The following TNFRSF21 variants were observed in gnomAD, a reference collection of about 807,000 sequenced individuals.
TNFRSF21 encodes the protein TNF receptor superfamily member 21, also known as tumor necrosis factor receptor superfamily member 21.
TNFRSF21 carries 19 observed loss-of-function variants against 45.6 expected under a neutral mutation model. The ratio of observed to expected loss-of-function variants is 0.42; its 90% CI spans 0.29 to 0.61. The LOEUF (loss-of-function observed/expected upper bound fraction) is 0.61, where lower values mean the gene tolerates loss of function less well. Ranked by LOEUF, TNFRSF21 falls within the 20% of genes least tolerant of loss-of-function variation. The probability of loss-of-function intolerance (pLI) is 0.23; values close to 1 mark genes in which losing one functional copy is unlikely to be tolerated. For missense variants in TNFRSF21, 737 were observed against 851.5 expected, an observed-to-expected ratio of 0.87 and a Z score of 1.67; for synonymous variants, 314 against 335.5, an observed-to-expected ratio of 0.94 and a Z score of 0.70.
chr6:47,294,697 C>CT (rs5876019), intron 1 of TNFRSF21, among the ~76,000 whole-genome samples: 18 of 150,728 alleles, frequency 1.2e-4, no homozygotes, highest in South Asian at 2.1e-4. Flanking sequence ...TCATTTCTTT[C>CT]TTTTTTTTTT....
At position 47,308,135 on chromosome 6, in the gene TNFRSF21, G is replaced by T. The variant is rs997523180; in HGVS notation, c.96+1281C>A. Among the ~76,000 whole-genome samples the T allele has an allele frequency of 4.6e-5, 7 of 152,302 alleles. No homozygotes were observed. In the East Asian group the frequency reaches 1.4e-3, roughly 29 times the overall value. On this transcript the variant is annotated intron_variant, in intron 1 of 5. Coordinates refer to ENST00000296861, the MANE Select transcript of TNFRSF21 (RefSeq NM_014452.5). ...GAAAAGAGTTTCTGAAGGGAGACTG[G>T]GACTTGCCTCATTATAAATGCTAAC...
intron 3 of TNFRSF21, among the ~76,000 whole-genome samples, chr6:47,280,235 C>T (rs985544065): frequency 2.0e-5 from 3 of 152,112 alleles, no homozygotes; most frequent in Non-Finnish European, 4.4e-5. Flanking sequence ...CAAGGCTAAG[C>T]CATTTCCCTC....
At chr6:47,305,229 G>A (rs1431741282) in intron 1 of TNFRSF21, among the ~76,000 whole-genome samples, 1 of 152,136 alleles carries the variant, frequency 6.6e-6, no homozygotes, top group Non-Finnish European at 1.5e-5. Flanking sequence ...TTCATGGCAA[G>A]ATCCAAATCC....
intron 4 of TNFRSF21, among the ~76,000 whole-genome samples, chr6:47,246,016 A>C (rs1450040051): frequency 6.6e-6 from 1 of 152,208 alleles, no homozygotes; most frequent in Non-Finnish European, 1.5e-5. Context: ...AAATCTGCCC[A>C]CATGATCCAG....
At chr6:47,239,410 T>C (rs983867123) in intron 4 of TNFRSF21, among the ~76,000 whole-genome samples, 14 of 151,376 alleles carry the variant, frequency 9.2e-5, no homozygotes, top group African/African-American at 3.4e-4. Flanking sequence ...CTGGTGGAGG[T>C]TGCAGTATTC....
chr6:47,284,217 C>T lies in TNFRSF21; in HGVS notation c.964G>A (p.Glu322Lys), dbSNP rs1337951821. Residue 322 changes from glutamate (E) to lysine (K), a missense_variant, in exon 3 of 6, where the codon GAG becomes AAG. Coordinates refer to ENST00000296861, the MANE Select transcript of TNFRSF21 (RefSeq NM_014452.5). ...CCCTTGATGGGCGTGCTGGACTTCT[C>T]GCCCCCAGTGGCCTCCATGGACGGC... Reference protein sequence around the residue: ...LLPSMEATGGEKSSTPIKGPK... With the variant: ...LLPSMEATGGKKSSTPIKGPK... The T allele has an allele frequency of 3.1e-6, 5 of 1,614,102 alleles. No homozygotes were observed. The highest frequency in any genetic ancestry group is 3.3e-5 in the Admixed American group (2 of 60,014).
At chr6:47,276,557 A>G (rs1762500620) in intron 3 of TNFRSF21, among the ~76,000 whole-genome samples, 1 of 152,236 alleles carries the variant, frequency 6.6e-6, no homozygotes, top group African/African-American at 2.4e-5. Context: ...CTGGTAGGCG[A>G]CAACCTGCAG....
chr6:47,265,587 C>G (rs57499487), intron 3 of TNFRSF21, among the ~76,000 whole-genome samples: 7,240 of 152,094 alleles, frequency 0.048, 557 homozygotes, highest in African/African-American at 0.16. Context: ...TTCCCCATCT[C>G]TAAAATAGGG....
chr6:47,268,891 T>C (rs1176129270), intron 3 of TNFRSF21, among the ~76,000 whole-genome samples: 2 of 152,194 alleles, frequency 1.3e-5, no homozygotes, highest in African/African-American at 4.8e-5. Flanking sequence ...TATCCTTATT[T>C]ATCTTCTAGG....
chr6:47,294,434 G>A (rs1327499070), intron 1 of TNFRSF21, among the ~76,000 whole-genome samples: 3 of 152,204 alleles, frequency 2.0e-5, no homozygotes, highest in Admixed American at 6.5e-5. Context: ...GAGCCAACGC[G>A]CCCGGCTGCG....
chr6:47,309,413 C>T lies in TNFRSF21; in HGVS notation c.96+3G>A. On this transcript the variant is annotated splice_donor_region_variant and intron_variant, in intron 1 of 5. Transcript: ENST00000296861. ...GCCACCCCCGGTCCACGCAAGCGCT[C>T]ACCAGGAGAAGGGAGCCCGCGATCA... The T allele has an allele frequency of 4.5e-6, 7 of 1,542,670 alleles. No individual in the cohort carries two copies. The highest frequency in any genetic ancestry group is 6.1e-6 in the Non-Finnish European group (7 of 1,151,558).
chr6:47,260,334 C>G (rs530242824), intron 3 of TNFRSF21, among the ~76,000 whole-genome samples: 1 of 152,282 alleles, frequency 6.6e-6, no homozygotes, highest in Non-Finnish European at 1.5e-5. Context: ...GGCATCACAG[C>G]AGTACTCAAT....
intron 3 of TNFRSF21, among the ~76,000 whole-genome samples, chr6:47,265,510 C>A (rs1224896054): frequency 6.6e-6 from 1 of 152,174 alleles, no homozygotes; most frequent in Non-Finnish European, 1.5e-5. Context: ...CAGTGCCTGA[C>A]TTTAAAACCT....
chr6:47,273,034 C>T (rs1762450091), intron 3 of TNFRSF21, among the ~76,000 whole-genome samples: 2 of 152,088 alleles, frequency 1.3e-5, no homozygotes, highest in African/African-American at 4.8e-5. Flanking sequence ...AGCCTACCCA[C>T]CAAAAAATGT....
At chr6:47,299,102 CAA>C (rs2113869781) in intron 1 of TNFRSF21, among the ~76,000 whole-genome samples, 1 of 152,178 alleles carries the variant, frequency 6.6e-6, no homozygotes, top group African/African-American at 2.4e-5. Flanking sequence ...TAGTTCATTG[CAA>C]AGAGATCAAT....
intron 3 of TNFRSF21, among the ~76,000 whole-genome samples, chr6:47,261,326 C>A (rs575819262): frequency 6.6e-6 from 1 of 152,356 alleles, no homozygotes; most frequent in Non-Finnish European, 1.5e-5. Flanking sequence ...AAGCCCAAGA[C>A]CACACTGCTT....
intron 5 of TNFRSF21, among the ~76,000 whole-genome samples, chr6:47,233,713 T>A (rs1414645626): frequency 6.6e-6 from 1 of 150,618 alleles, no homozygotes; most frequent in African/African-American, 2.4e-5. Context: ...TATAAATATA[T>A]AAAGTACACA....
In TNFRSF21 at chr6:47,284,408, G is replaced by A; in HGVS notation, c.773C>T (p.Ser258Phe). Residue 258 changes from serine to phenylalanine, a missense_variant, in exon 3 of 6, where the codon TCT becomes TTT. Physicochemically the swap from Ser to Phe is radical, Grantham distance 155 (BLOSUM62 -2). Coordinates refer to ENST00000296861, the MANE Select transcript of TNFRSF21 (RefSeq NM_014452.5). The stretch of plus-strand genomic sequence containing the variant: ...TACCTTTGGTCTAACAGAGGCAGAA[G>A]AGTTGGATTCTGTTGAGTTCATGCC... ...PKGMNSTESN[S>F]SASVRPKVLS... 3.3e-6 allele frequency: 5 copies of A among 1,522,034 alleles called. No homozygotes were observed. The South Asian group carries it at 5.3e-5, about 16-fold the overall frequency. 94.3% of individuals were successfully genotyped at this position (1,522,034 alleles called of 1,614,324 possible).
intron 1 of TNFRSF21, among the ~76,000 whole-genome samples, chr6:47,300,601 A>G (rs1197599274): frequency 6.6e-6 from 1 of 152,106 alleles, no homozygotes; most frequent in Non-Finnish European, 1.5e-5. Flanking sequence ...AGGATCCTGT[A>G]TGATATGGCC....
Sources: gnomAD v4.1 joint callset for allele counts (sites outside exome capture counted in the v4.1 genomes callset) on GRCh38, gnomAD v4.1.1 for gene constraint, MANE v1.5 for transcripts, NCBI Gene and HGNC (gene_info 2026-07-23, HGNC 2026-07-21) for gene names.